MYT1: variants seen among roughly 807,000 people sequenced by gnomAD.
MYT1 encodes myelin transcription factor I.
MYT1 carries 23 observed loss-of-function variants against 123.0 expected under a neutral mutation model. The observed-to-expected ratio is 0.19, with a 90% CI of 0.13 to 0.26. The LOEUF (loss-of-function observed/expected upper bound fraction) is 0.26, where lower values mean the gene tolerates loss of function less well. Ranked by LOEUF, MYT1 falls within the 10% of genes least tolerant of loss-of-function variation. MYT1 has a pLI of 1.00. For missense variants in MYT1, 1,125 were observed against 1,472.5 expected (o/e 0.76, Z 3.86); for synonymous variants, 518 against 575.3 (o/e 0.90, Z 1.43).
chr20:64,223,055 C>T (rs1392938949), intron 14 of MYT1, 56 bp from the exon 15 acceptor site: 16 of 1,602,354 alleles, frequency 1.0e-5, no homozygotes, highest in Non-Finnish European at 2.6e-6. Flanking sequence ...GCAGGCTCAG[C>T]CTGGGGGGCA....
Position 64,164,706 on chromosome 20 carries a change from T to C in MYT1, c.-132T>C, listed in dbSNP as rs1982032166. ...TCATGATTGCTTTCCGTGATGTCAT[T>C]TTGAAAGAGGACAGACAATAGCTGT... On this transcript the variant is annotated 5_prime_UTR_variant, in exon 1 of 23. Coordinates refer to ENST00000328439, the MANE Select transcript of MYT1 (RefSeq NM_004535.3). The C allele has an allele frequency of 6.6e-6, 1 of 151,966 alleles. No individual in the cohort carries two copies. Among genetic ancestry groups the C allele is most frequent in the Non-Finnish European group, 1.5e-5 (1 of 68,006 alleles). The allele number at this position is 151,966 out of a possible 1,614,324, so 9.4% of individuals were successfully genotyped here. A position where few individuals can be genotyped will look rare whatever the true frequency, so the allele number is the denominator to read the frequency against.
chr20:64,231,972 G>T lies in MYT1; in HGVS notation c.2676-192G>T, dbSNP rs2983430. On this transcript the variant is annotated intron_variant, in intron 18 of 22. Transcript: ENST00000328439. The surrounding 1 kb of genome is among the most constrained non-coding windows in gnomAD (Gnocchi z 6.4). ...CAAAGCGGAAGAGGGAGCGTGGCCCGGGTCTTCACACTCAGCCCGGAAGGG... is the reference window on the plus strand; with the variant it reads ...CAAAGCGGAAGAGGGAGCGTGGCCCTGGTCTTCACACTCAGCCCGGAAGGG... 0.2 allele frequency among the ~76,000 whole-genome samples: 30,537 copies of T among 152,124 alleles called. 3,703 individuals are homozygous for T. Among genetic ancestry groups the T allele is most frequent in the African/African-American group, 0.33 (13,618 of 41,484 alleles).
At position 64,212,162 on chromosome 20, in the gene MYT1, AGTGGGGG is replaced by A; in HGVS notation, c.1517+25_1517+31del. The stretch of plus-strand genomic sequence containing the variant: ...AGGTACTTGGACTGAGCTGGGCCGT[AGTGGGGG>A]CCAGGGTGGGGGCCGTGGTGGGGGC... On this transcript the variant is annotated intron_variant, in intron 9 of 22. Coordinates refer to ENST00000328439, the MANE Select transcript of MYT1 (RefSeq NM_004535.3). The surrounding 1 kb of genome is among the most constrained non-coding windows in gnomAD (Gnocchi z 6.8). 8.6e-7 allele frequency: 1 copy of A among 1,156,596 alleles called. No individual in the cohort carries two copies. Among genetic ancestry groups the A allele is most frequent in the Non-Finnish European group, 1.2e-6 (1 of 842,460 alleles). 71.6% of individuals were successfully genotyped at this position (1,156,596 alleles called of 1,614,324 possible).
At chr20:64,228,093 C>T (rs1005181061) in intron 18 of MYT1, 122 bp downstream of exon 18, 11 of 883,926 alleles carry the variant, frequency 1.2e-5, no homozygotes, top group African/African-American at 1.2e-4. Context: ...ACCTAACTGA[C>T]CAACGCCAAC....
At chr20:64,173,440 T>C (rs1982349631) in intron 1 of MYT1, among the ~76,000 whole-genome samples, 1 of 150,896 alleles carries the variant, frequency 6.6e-6, no homozygotes, top group African/African-American at 2.5e-5. Context: ...CCAGTGCCTG[T>C]AGTTGTGTCC....
rs779698044 is a variant in MYT1 at position 64,219,840 on chromosome 20, C to A, written c.2099C>A (p.Ala700Asp). 2.5e-6 allele frequency: 4 copies of A among 1,610,374 alleles called. No homozygotes were observed. Among genetic ancestry groups the A allele is most frequent in the Non-Finnish European group, 2.5e-6 (3 of 1,178,418 alleles). ...AGCCCCGGTGTGAAGTCTCCCGACG[C>A]CTCCCAGCGCCACAGCAGCACCAGC... ...SSSPGVKSPD[A>D]SQRHSSTSAP... Residue 700 changes from alanine to aspartate, a missense_variant, in exon 13 of 23, where the codon GCC becomes GAC. Transcript: ENST00000328439.
chr20:64,222,617 G>A (rs1984043131), intron 14 of MYT1, among the ~76,000 whole-genome samples: 1 of 152,226 alleles, frequency 6.6e-6, no homozygotes, highest in Non-Finnish European at 1.5e-5. Context: ...CCTGTCCTAG[G>A]GGACTGTGAG....
intron 11 of MYT1, among the ~76,000 whole-genome samples, chr20:64,217,943 C>A (rs1054388499): frequency 1.3e-5 from 2 of 152,240 alleles, no homozygotes; most frequent in African/African-American, 4.8e-5. Flanking sequence ...AGCCCATTAG[C>A]CCTGGAAGTG....
chr20:64,226,540 T>C (rs1984173778), intron 16 of MYT1, among the ~76,000 whole-genome samples: 1 of 152,112 alleles, frequency 6.6e-6, no homozygotes, highest in African/African-American at 2.4e-5. Context: ...TCCTGCAGGG[T>C]CAGGGGTCAG....
At position 64,239,796 on chromosome 20, in the gene MYT1, G is replaced by A. The variant is rs777946857; in HGVS notation, c.3130G>A (p.Glu1044Lys). 5 of 1,613,884 alleles carry A rather than the reference G, an allele frequency of 3.1e-6. No individual in the cohort carries two copies. Among genetic ancestry groups the A allele is most frequent in the Non-Finnish European group, 4.2e-6 (5 of 1,180,026 alleles). The change falls in exon 22 of 23, where the codon GAG becomes AAG. Residue 1044 changes from glutamate to lysine, a missense_variant. Glu to Lys is a moderately conservative substitution (Grantham distance 56, BLOSUM62 1). Transcript: ENST00000328439. ...SMEKNLKNIE[E>K]ENKLIEEQNE... ...GGAGAAGAACCTGAAGAACATCGAG[G>A]AGGAGAACAAGCTCATTGAGGAGCA...
rs1200274101 is a variant in MYT1, at chr20:64,166,866, C to T, written c.-99+2127C>T. The stretch of plus-strand genomic sequence containing the variant: ...CAGGGAGAGGCTGGCAGAGGGTATG[C>T]GGCCACGGGGGTGCATGCTGGGCAG... On this transcript the variant is annotated intron_variant, in intron 1 of 22. Coordinates refer to ENST00000328439, the MANE Select transcript of MYT1 (RefSeq NM_004535.3). This position sits in a 1 kb window ranked among gnomAD's most constrained non-coding sequence, Gnocchi z 4.9. Among the ~76,000 whole-genome samples the T allele has an allele frequency of 6.6e-6, 1 of 152,144 alleles. No individual in the cohort carries two copies. The highest frequency in any genetic ancestry group is 2.4e-5 in the African/African-American group (1 of 41,418).
rs1255311182 is a variant in MYT1, at chr20:64,241,755, TC to T, written c.*1309del. 7 of 152,630 alleles carry T rather than the reference TC, an allele frequency of 4.6e-5. No homozygotes were observed. The highest frequency in any genetic ancestry group is 1.0e-4 in the Non-Finnish European group (7 of 68,032). 9.5% of individuals were successfully genotyped at this position (152,630 alleles called of 1,614,324 possible). On this transcript the variant is annotated 3_prime_UTR_variant, in exon 23 of 23. Transcript: ENST00000328439. The surrounding 1 kb of genome is among the most constrained non-coding windows in gnomAD (Gnocchi z 4.2). ...AGGCCACAAAAAATCTTGATATAAC[TC>T]CTAGTTATAATTTTGATGCAACCAA... is the stretch of plus-strand genomic sequence containing the variant.
chr20:64,170,870 TATATATATATATATAGAG>T (rs1982237657), intron 1 of MYT1, among the ~76,000 whole-genome samples: 1 of 61,070 alleles, frequency 1.6e-5, no homozygotes, highest in African/African-American at 7.2e-5. Context: ...TATATATATA[TATATATATATATATAGAG>T]AGAGAGAGAG....
At chr20:64,184,902 C>T (rs1982753606) in intron 1 of MYT1, among the ~76,000 whole-genome samples, 1 of 152,192 alleles carries the variant, frequency 6.6e-6, no homozygotes, top group South Asian at 2.1e-4. Context: ...GGAGCCTGTA[C>T]AGGTGACCGA....
intron 3 of MYT1, 56 bp downstream of exon 3, chr20:64,198,972 T>G: frequency 5.1e-6 from 8 of 1,575,924 alleles, no homozygotes; most frequent in Non-Finnish European, 7.0e-6. Flanking sequence ...CTCCGCGGTC[T>G]TCCTCAGGAG....
chr20:64,228,145 C>T lies in MYT1; in HGVS notation c.2675+174C>T, dbSNP rs556281683. On this transcript the variant is annotated intron_variant, in intron 18 of 22. Coordinates refer to ENST00000328439, the MANE Select transcript of MYT1 (RefSeq NM_004535.3). ...TTTATGGAAGCTCTCATACGCTACACGTTGATACCTGTGAAGATAGGAGCC... is the reference window on the plus strand; with the variant it reads ...TTTATGGAAGCTCTCATACGCTACATGTTGATACCTGTGAAGATAGGAGCC... The T allele has an allele frequency of 2.5e-5, 16 of 634,800 alleles. No homozygotes were observed. The East Asian group carries it at 3.6e-4, about 14-fold the overall frequency. The allele number at this position is 634,800 out of a possible 1,614,324, so 39.3% of individuals were successfully genotyped here.
At chr20:64,176,317 C>T (rs1380631049) in intron 1 of MYT1, among the ~76,000 whole-genome samples, 1 of 131,646 alleles carries the variant, frequency 7.6e-6, no homozygotes, top group African/African-American at 3.1e-5. Context: ...GTGTCCATTC[C>T]CCCTCCCTGG....
At position 64,186,420 on chromosome 20, in the gene MYT1, G is replaced by A. The variant is rs1982804515; in HGVS notation, c.-98-3643G>A. ...ACTCACTAGAAACTCAATAACCCAA[G>A]AGAACAGGCTCGTCTGGATGAAAAC... On this transcript the variant is annotated intron_variant, in intron 1 of 22. Coordinates refer to ENST00000328439, the MANE Select transcript of MYT1 (RefSeq NM_004535.3). This position sits in a 1 kb window ranked among gnomAD's most constrained non-coding sequence, Gnocchi z 4.3. 6.6e-6 allele frequency among the ~76,000 whole-genome samples: 1 copy of A among 152,058 alleles called. No homozygotes were observed. The highest frequency in any genetic ancestry group is 1.5e-5 in the Non-Finnish European group (1 of 68,026).
chr20:64,200,071 C>CCAAGATAGCTGGA, intron 4 of MYT1, 149 bp downstream of exon 4: 1 of 892,476 alleles, frequency 1.1e-6, no homozygotes, highest in Non-Finnish European at 1.8e-6. Flanking sequence ...TTTCTCCTGG[C>CCAAGATAGCTGGA]CACGTGTCCA....
Sources: allele counts gnomAD v4.1 joint callset (sites outside exome capture counted in the v4.1 genomes callset), GRCh38; gene constraint gnomAD v4.1.1; non-coding constraint Gnocchi (gnomAD v3.1); transcripts MANE v1.5; gene names NCBI Gene and HGNC (gene_info 2026-07-23, HGNC 2026-07-21).